Variants in TPD52L2 observed in about 807,000 individuals in gnomAD.
TPD52L2 encodes tumor protein D54.
Under a neutral mutation model 24.7 loss-of-function variants are expected in TPD52L2, and 19 were observed. The ratio of observed to expected loss-of-function variants is 0.77; its 90% CI spans 0.54 to 1.13. The LOEUF (loss-of-function observed/expected upper bound fraction) is 1.13, where lower values mean the gene tolerates loss of function less well. Ranked by LOEUF, TPD52L2 falls within the 50% of genes most tolerant of loss-of-function variation. The probability of loss-of-function intolerance (pLI) is 0.00; values close to 1 mark genes in which losing one functional copy is unlikely to be tolerated. For synonymous variants in TPD52L2, 104 were observed against 100.2 expected, an observed-to-expected ratio of 1.04 and a Z score of -0.23; for missense variants, 236 against 250.4, an observed-to-expected ratio of 0.94 and a Z score of 0.39.
At chr20:63,872,849 GC>G (rs1435214323) in intron 2 of TPD52L2, among the ~76,000 whole-genome samples, 2 of 152,094 alleles carry the variant, frequency 1.3e-5, no homozygotes, top group Non-Finnish European at 2.9e-5. Context: ...GACTACAGGT[GC>G]CCGCCACCGT....
At position 63,869,878 on chromosome 20, in the gene TPD52L2, G is replaced by A. The variant is rs867773833; in HGVS notation, c.165+437G>A. Among the ~76,000 whole-genome samples, 10 of 152,270 alleles carry A rather than the reference G, an allele frequency of 6.6e-5. 1 individual carries two copies. The highest frequency in any genetic ancestry group is 6.8e-3 in the Middle Eastern group (2 of 294). ...AGTGGCTCATGCCTGTAATTCCAGC[G>A]CCTTAGGAGGACAGGGTGGTAAGGT... On this transcript the variant is annotated intron_variant, in intron 2 of 6. Transcript: ENST00000346249.
At chr20:63,874,055 A>G (rs1568944207) in intron 3 of TPD52L2, among the ~76,000 whole-genome samples, 1 of 151,828 alleles carries the variant, frequency 6.6e-6, no homozygotes, top group East Asian at 1.9e-4. Context: ...TGTGTACTTT[A>G]TTATTATTTT....
Position 63,875,152 on chromosome 20 carries a change from A to AT in TPD52L2, c.315-664_315-663insT, listed in dbSNP as rs1555873182. ...GCAAGACTCTGTCTCAAAAAAAAAAAATATATATATATATATATTTATATA... is the reference window on the plus strand; with the variant it reads ...GCAAGACTCTGTCTCAAAAAAAAAAATATATATATATATATATATTTATATA... On this transcript the variant is annotated intron_variant, in intron 3 of 6. Coordinates refer to ENST00000346249, the MANE Select transcript of TPD52L2 (RefSeq NM_003288.4). Among the ~76,000 whole-genome samples, 641 of 141,738 alleles carry AT rather than the reference A, an allele frequency of 4.5e-3. 2 individuals are homozygous for AT. The highest frequency in any genetic ancestry group is 0.018 in the Middle Eastern group (5 of 274). The allele number at this position is 141,738 out of a possible 152,430, so 93.0% of individuals were successfully genotyped here. A position where few individuals can be genotyped will look rare whatever the true frequency, so the allele number is the denominator to read the frequency against.
chr20:63,885,242 C>A (rs1175407282), intron 5 of TPD52L2, among the ~76,000 whole-genome samples: 2 of 152,224 alleles, frequency 1.3e-5, no homozygotes, highest in Non-Finnish European at 2.9e-5. Flanking sequence ...TGCCCTGGGG[C>A]ATGGGTGATG....
intron 5 of TPD52L2, chr20:63,887,449 A>G: frequency 8.6e-7 from 1 of 1,161,104 alleles, no homozygotes; most frequent in Non-Finnish European, 1.3e-6. Context: ...AGCTCGCTCC[A>G]ACTGCTGGGA....
intron 1 of TPD52L2, among the ~76,000 whole-genome samples, chr20:63,867,957 A>T (rs1258866143): frequency 3.4e-5 from 5 of 146,458 alleles, no homozygotes; most frequent in Non-Finnish European, 7.5e-5. Context: ...TTTTTTTTTT[A>T]AAGAATTTTT....
chr20:63,889,867 CAG>C lies in TPD52L2; in HGVS notation c.549_550del (p.Asn184ArgfsTer3). 1 of 1,614,132 alleles carries C rather than the reference CAG, an allele frequency of 6.2e-7. No individual in the cohort carries two copies. Among genetic ancestry groups the C allele is most frequent in the African/African-American group, 1.3e-5 (1 of 75,056 alleles). Reference sequence around the variant, plus strand: ...TCCTGTAGTCTAAGGTTGTGGGTGACAGAGAGAACGGCAGTGACAACCTCCCT... The same window carrying C: ...TCCTGTAGTCTAAGGTTGTGGGTGACAGAGAACGGCAGTGACAACCTCCCT... Reference protein sequence around the residue: ...GTIKSKVVGDRENGSDNLPSS... With the variant: ...GTIKSKVVGDXENGSDNLPSS... On this transcript the variant is annotated frameshift_variant, in exon 7 of 7. Coordinates refer to ENST00000346249, the MANE Select transcript of TPD52L2 (RefSeq NM_003288.4). LOFTEE classifies it high-confidence loss of function.
rs1160527611 is a variant in TPD52L2 at position 63,877,074 on chromosome 20, G to A, written c.374+1199G>A. On this transcript the variant is annotated intron_variant, in intron 4 of 6. Coordinates refer to ENST00000346249, the MANE Select transcript of TPD52L2 (RefSeq NM_003288.4). The surrounding 1 kb of genome is among the most constrained non-coding windows in gnomAD (Gnocchi z 4.1). ...AACGTCTCGTTCTGTCTCCCAGGCT[G>A]GAGTGCAGTGGCGCCATCTGGGCTC... The A allele has an allele frequency of 2.3e-6, 1 of 429,578 alleles. No individual in the cohort carries two copies. Among genetic ancestry groups the A allele is most frequent in the African/African-American group, 2.1e-5 (1 of 48,408 alleles). 26.6% of individuals were successfully genotyped at this position (429,578 alleles called of 1,614,324 possible). A position where few individuals can be genotyped will look rare whatever the true frequency, so the allele number is the denominator to read the frequency against.
In TPD52L2 at chr20:63,875,851, A is replaced by G. The variant is rs1385495348; in HGVS notation, c.350A>G (p.Asn117Ser). ...ACTTCTGAGAAACTTGGAGAGTGGA[A>G]TGAGAAAGTGACCCAGTCAGACCTG... ...VKTSEKLGEW[N>S]EKVTQSDLYK... is the part of the protein sequence containing the mutation. The change falls in exon 4 of 7, where the codon AAT becomes AGT. Residue 117 changes from asparagine (N) to serine (S), a missense_variant. Coordinates refer to ENST00000346249, the MANE Select transcript of TPD52L2 (RefSeq NM_003288.4). 1.2e-6 allele frequency: 2 copies of G among 1,614,048 alleles called. No individual in the cohort carries two copies. The highest frequency in any genetic ancestry group is 2.7e-5 in the African/African-American group (2 of 74,938).
At chr20:63,887,438 C>T (rs2053173229) in intron 5 of TPD52L2, 2 of 1,039,374 alleles carry the variant, frequency 1.9e-6, no homozygotes, top group East Asian at 2.4e-5. Context: ...GAGGGGCAGG[C>T]AGCTCGCTCC....
rs546830787 is a variant in TPD52L2, at chr20:63,866,100, C to T, written c.19+716C>T. ...AGAGGGATGCTAAATTTCTTTCTTTCTTTCTTTCTTTCTTTATTTTTTTGA... is the reference window on the plus strand; with the variant it reads ...AGAGGGATGCTAAATTTCTTTCTTTTTTTCTTTCTTTCTTTATTTTTTTGA... On this transcript the variant is annotated intron_variant, in intron 1 of 6. Transcript: ENST00000346249. Among the ~76,000 whole-genome samples the T allele has an allele frequency of 1.4e-4, 21 of 152,146 alleles. No individual in the cohort carries two copies. In the East Asian group the frequency reaches 3.7e-3, roughly 27 times the overall value.
At position 63,876,190 on chromosome 20, in the gene TPD52L2, GCAGTGCA is replaced by G. The variant is rs146339488; in HGVS notation, c.374+318_374+324del. Among the ~76,000 whole-genome samples the G allele has an allele frequency of 4.6e-5, 7 of 152,290 alleles. No homozygotes were observed. The East Asian group carries it at 1.4e-3, about 29-fold the overall frequency. Reference sequence around the variant, plus strand: ...AACTAATAGAGCTCCTTGGCTTCCGGCAGTGCACAAGCTGGACAACACCACTTGGCCT... The same window carrying G: ...AACTAATAGAGCTCCTTGGCTTCCGGCAAGCTGGACAACACCACTTGGCCT... On this transcript the variant is annotated intron_variant, in intron 4 of 6. Coordinates refer to ENST00000346249, the MANE Select transcript of TPD52L2 (RefSeq NM_003288.4).
In TPD52L2 at chr20:63,873,612, T is replaced by A. The variant is rs1048913188; in HGVS notation, c.166-56T>A. The A allele has an allele frequency of 8.9e-5, 141 of 1,589,092 alleles. 1 individual carries two copies. In the South Asian group the frequency reaches 1.3e-3, roughly 15 times the overall value. Reference sequence around the variant, plus strand: ...TAACTCATGGCACTGTGCATGAGGATGTTAGTCACTTCCTGCAGTAGTGAT... The same window carrying A: ...TAACTCATGGCACTGTGCATGAGGAAGTTAGTCACTTCCTGCAGTAGTGAT... On this transcript the variant is annotated intron_variant, in intron 2 of 6. Transcript: ENST00000346249.
rs1176702836 is a variant in TPD52L2, at chr20:63,877,620, A to G, written c.374+1745A>G. Among the ~76,000 whole-genome samples the G allele has an allele frequency of 6.6e-6, 1 of 152,250 alleles. No homozygotes were observed. Among genetic ancestry groups the G allele is most frequent in the Non-Finnish European group, 1.5e-5 (1 of 68,034 alleles). Reference sequence around the variant, plus strand: ...GCAGACTCAGTCTGAAAATAGTCTTAGGAGACTTCAGTGCTGTTTTGTAAA... The same window carrying G: ...GCAGACTCAGTCTGAAAATAGTCTTGGGAGACTTCAGTGCTGTTTTGTAAA... On this transcript the variant is annotated intron_variant, in intron 4 of 6. Coordinates refer to ENST00000346249, the MANE Select transcript of TPD52L2 (RefSeq NM_003288.4). The surrounding 1 kb of genome is among the most constrained non-coding windows in gnomAD (Gnocchi z 4.1).
intron 6 of TPD52L2, among the ~76,000 whole-genome samples, chr20:63,889,623 A>C (rs1374681650): frequency 2.6e-5 from 4 of 152,200 alleles, no homozygotes; most frequent in South Asian, 2.1e-4. Context: ...ATGTCACGTA[A>C]ATGGAACGAT....
intron 5 of TPD52L2, chr20:63,888,074 C>T (rs2053198430): frequency 5.4e-6 from 1 of 184,048 alleles, no homozygotes; most frequent in African/African-American, 2.4e-5. Context: ...TGCCCTGATT[C>T]TCAGGAGAGC....
chr20:63,890,020 G>C lies in TPD52L2; in HGVS notation c.*75G>C. On this transcript the variant is annotated 3_prime_UTR_variant, in exon 7 of 7. Transcript: ENST00000346249. Reference sequence around the variant, plus strand: ...ATCACAGCCGCAGCTCTGTTCAGCGGAGCAGCCAGCCAGGGCGGATGAGCA... The same window carrying C: ...ATCACAGCCGCAGCTCTGTTCAGCGCAGCAGCCAGCCAGGGCGGATGAGCA... 6.3e-7 allele frequency: 1 copy of C among 1,596,424 alleles called. No homozygotes were observed. Among genetic ancestry groups the C allele is most frequent in the Admixed American group, 1.7e-5 (1 of 57,482 alleles).
intron 4 of TPD52L2, among the ~76,000 whole-genome samples, chr20:63,879,121 G>T (rs1600815958): frequency 6.6e-6 from 1 of 152,204 alleles, no homozygotes; most frequent in South Asian, 2.1e-4. Context: ...GTTGGGCAGG[G>T]ACCTGCTGTA....
chr20:63,875,891 A>G lies in TPD52L2; in HGVS notation c.374+16A>G, dbSNP rs752404850. On this transcript the variant is annotated intron_variant, in intron 4 of 6. Transcript: ENST00000346249. Reference sequence around the variant, plus strand: ...AGTCAGACCTGTGAGTGCCTGTATCATCAGCACCTCCTCCTTCCTCCTCTC... The same window carrying G: ...AGTCAGACCTGTGAGTGCCTGTATCGTCAGCACCTCCTCCTTCCTCCTCTC... The G allele has an allele frequency of 6.2e-7, 1 of 1,613,834 alleles. No homozygotes were observed. Among genetic ancestry groups the G allele is most frequent in the East Asian group, 2.2e-5 (1 of 44,884 alleles).
Sources: gnomAD v4.1 joint callset for allele counts (sites outside exome capture counted in the v4.1 genomes callset) on GRCh38, gnomAD v4.1.1 for gene constraint, Gnocchi (gnomAD v3.1) non-coding constraint, MANE v1.5 for transcripts, NCBI Gene and HGNC (gene_info 2026-07-23, HGNC 2026-07-21) for gene names.